The following TAL1 variants were observed in gnomAD, a reference collection of about 807,000 sequenced individuals.
TAL1 encodes the protein TAL bHLH transcription factor 1, erythroid differentiation factor.
A neutral mutation model predicts 17.9 loss-of-function variants in TAL1; 8 were observed. The ratio of observed to expected loss-of-function variants is 0.45; its 90% CI spans 0.26 to 0.81. TAL1 has a LOEUF of 0.81. Among genes scored for constraint, TAL1 ranks in the 30% least tolerant of loss-of-function variants. The pLI is 0.17. For synonymous variants in TAL1, 223 were observed against 218.6 expected, an observed-to-expected ratio of 1.02 and a Z score of -0.18; for missense variants, 466 against 486.9, an observed-to-expected ratio of 0.96 and a Z score of 0.40.
chr1:47,227,024 C>G (rs1643923113), intron 1 of TAL1: 1 of 152,348 alleles, frequency 6.6e-6, no homozygotes, highest in East Asian at 1.9e-4. Flanking sequence ...TCAAGTCACT[C>G]ACAGCCTATC....
At chr1:47,222,294 T>C (rs1462146468) in intron 3 of TAL1, among the ~76,000 whole-genome samples, 2 of 152,210 alleles carry the variant, frequency 1.3e-5, no homozygotes, top group African/African-American at 4.8e-5. Context: ...ACCAGTGTTA[T>C]GAGGGTGGTC....
exon 4 of TAL1, chr1:47,219,690 C>T (rs755198956): frequency 1.0e-5 from 16 of 1,605,078 alleles, no homozygotes; most frequent in Non-Finnish European, 1.4e-5. Flanking sequence ...TAAGAACGCC[C>T]TCCTGGCTGA....
In TAL1 at chr1:47,220,244, T is replaced by C. The variant is rs1471210970; in HGVS notation, c.542-70A>G. On this transcript the variant is annotated intron_variant, in intron 3 of 3. Coordinates refer to ENST00000294339, the Ensembl canonical transcript of TAL1. Reference sequence around the variant, plus strand: ...CCTTCCCCAAAGGCATCTCCATACATTGGGAAACTTGGGAAGCCTAGAATG... The same window carrying C: ...CCTTCCCCAAAGGCATCTCCATACACTGGGAAACTTGGGAAGCCTAGAATG... The C allele has an allele frequency of 4.2e-6, 6 of 1,435,900 alleles. No individual in the cohort carries two copies. In the East Asian group the frequency reaches 9.5e-5, roughly 23 times the overall value. 88.9% of individuals were successfully genotyped at this position (1,435,900 alleles called of 1,614,324 possible).
At chr1:47,226,510 G>A (rs535050904) in intron 1 of TAL1, among the ~76,000 whole-genome samples, 2 of 152,182 alleles carry the variant, frequency 1.3e-5, no homozygotes. Flanking sequence ...GAATAATCCC[G>A]AGGAACCAGC....
In TAL1 at chr1:47,219,974, C is replaced by T; in HGVS notation, c.742G>A (p.Glu248Lys). The change falls in exon 4 of 4, where the codon GAG (glutamate) becomes AAG (lysine). Residue 248 changes from glutamate to lysine, a missense_variant. Physicochemically the swap from Glu to Lys is moderately conservative, Grantham distance 56. Around this residue, in one of 5 missense-constraint regions of TAL1, gnomAD observed 134 missense variants for 122.0 expected, o/e 1.10. Coordinates refer to ENST00000294339, the Ensembl canonical transcript of TAL1. ...GTCTTGGCCCGCTGGGTGCCCTCCT[C>T]CTCCTGGTCATTGAGCAGCTTGGCC... The T allele has an allele frequency of 6.3e-7, 1 of 1,589,400 alleles. No individual in the cohort carries two copies. The highest frequency in any genetic ancestry group is 8.6e-7 in the Non-Finnish European group (1 of 1,165,002).
chr1:47,223,982 C>T (rs368159096), intron 3 of TAL1, 22 bp downstream of exon 4: 48 of 1,609,468 alleles, frequency 3.0e-5, no homozygotes, highest in African/African-American at 2.0e-4. Flanking sequence ...GCAGGTACAA[C>T]GGTGGGGTGG....
chr1:47,224,307 G>A (rs1407167089), intron 2 of TAL1, among the ~76,000 whole-genome samples: 1 of 151,436 alleles, frequency 6.6e-6, no homozygotes, highest in Non-Finnish European at 1.5e-5. Context: ...AACAAGCAAA[G>A]GGAGGAAAAG....
At chr1:47,219,864 C>G in exon 4 of TAL1, 1 of 1,592,958 alleles carries the variant, frequency 6.3e-7, no homozygotes, top group Non-Finnish European at 8.6e-7. Context: ...TGGGGGAAAG[C>G]ACGTCTTGCA....
intron 2 of TAL1, among the ~76,000 whole-genome samples, chr1:47,224,403 AACAC>A (rs3835389): frequency 0.01 from 1,555 of 148,240 alleles, 26 homozygotes; most frequent in African/African-American, 0.033. Flanking sequence ...CACAAAAATG[AACAC>A]ACACACACAC....
intron 1 of TAL1, 74 bp from the exon 3 acceptor site, chr1:47,225,963 A>G: frequency 6.8e-7 from 1 of 1,465,668 alleles, no homozygotes; most frequent in Non-Finnish European, 9.1e-7. Context: ...GGGCTGGGGT[A>G]AAGGGGAGAA....
intron 1 of TAL1, 68 bp from the exon 3 acceptor site, chr1:47,225,957 TGGGGTAAAG>T: frequency 6.9e-7 from 1 of 1,450,528 alleles, no homozygotes; most frequent in Non-Finnish European, 9.1e-7. Context: ...CGACGTGGGC[TGGGGTAAAG>T]GGGAGAAGGG....
intron 3 of TAL1, chr1:47,223,343 T>G (rs1435208188): frequency 6.6e-6 from 1 of 152,230 alleles, no homozygotes; most frequent in African/African-American, 2.4e-5. Context: ...ATCTCCCATT[T>G]GTCCAAACCA....
exon 4 of TAL1, chr1:47,219,687 G>A (rs149545232): frequency 3.1e-4 from 504 of 1,604,238 alleles, no homozygotes; most frequent in Non-Finnish European, 4.1e-4. Context: ...GCCTAAGAAC[G>A]CCCTCCTGGC....
chr1:47,219,815 G>A (rs1645578126), exon 4 of TAL1: 1 of 1,608,422 alleles, frequency 6.2e-7, no homozygotes, highest in Non-Finnish European at 8.5e-7. Context: ...TAGCTGTCCG[G>A]GCTGGCTGCC....
exon 4 of TAL1, chr1:47,218,449 T>C (rs993559568): frequency 1.6e-4 from 37 of 232,798 alleles, no homozygotes; most frequent in African/African-American, 7.9e-4. Context: ...AAAAATTTCA[T>C]GTACAACTTT....
chr1:47,221,229 T>G (rs1359810632), intron 3 of TAL1, among the ~76,000 whole-genome samples: 1 of 152,044 alleles, frequency 6.6e-6, no homozygotes, highest in African/African-American at 2.4e-5. Flanking sequence ...AGAGCAGAGA[T>G]CGATGCAGAA....
chr1:47,219,485 G>A (rs757190966), exon 4 of TAL1: 6 of 715,656 alleles, frequency 8.4e-6, no homozygotes, highest in African/African-American at 5.2e-5. Flanking sequence ...AGACCGTGCC[G>A]TCTTCACAAA....
At chr1:47,229,350 A>T (rs1643966973) in exon 1 of TAL1, 1 of 192,960 alleles carries the variant, frequency 5.2e-6, no homozygotes, top group Non-Finnish European at 1.1e-5. Context: ...GTCCTGGGCG[A>T]TCTGCCGCGC....
chr1:47,232,255 C>T (rs1159837714), upstream of TAL1: 1 of 168,228 alleles, frequency 5.9e-6, no homozygotes, highest in Non-Finnish European at 1.3e-5. Flanking sequence ...CCCCCGCTCC[C>T]CCGCCCGCCC....
Sources: gnomAD v4.1 joint callset for allele counts (sites outside exome capture counted in the v4.1 genomes callset) on GRCh38, gnomAD v4.1.1 for gene constraint, gnomAD v4.1.1 regional missense constraint, MANE v1.5 for transcripts, NCBI Gene and HGNC (gene_info 2026-07-23, HGNC 2026-07-21) for gene names.